The following KCNB2 variants were observed in gnomAD, a reference collection of about 807,000 sequenced individuals.
KCNB2 encodes potassium voltage-gated channel subfamily B member 2.
A neutral mutation model predicts 61.5 loss-of-function variants in KCNB2; 15 were observed. The observed-to-expected ratio is 0.24, with a 90% confidence interval of 0.16 to 0.38. The LOEUF (loss-of-function observed/expected upper bound fraction) is 0.38, where lower values mean the gene tolerates loss of function less well. Among genes scored for constraint, KCNB2 ranks in the 10% least tolerant of loss-of-function variants. The pLI, the probability that KCNB2 is intolerant of heterozygous loss-of-function variation, is 1.00. For missense variants in KCNB2, 828 were observed against 1,125.2 expected, an observed-to-expected ratio of 0.74 and a Z score of 3.78; for synonymous variants, 457 against 446.0, an observed-to-expected ratio of 1.02 and a Z score of -0.31.
At chr8:72,609,981 C>T (rs1032937678) in intron 2 of KCNB2, among the ~76,000 whole-genome samples, 6 of 152,084 alleles carry the variant, frequency 3.9e-5, no homozygotes, top group African/African-American at 1.4e-4. Flanking sequence ...TGTCTTCTTT[C>T]TTCTTATGTA....
chr8:72,580,813 C>T (rs1806879911), intron 2 of KCNB2, among the ~76,000 whole-genome samples: 2 of 152,162 alleles, frequency 1.3e-5, no homozygotes, highest in Admixed American at 1.3e-4. Flanking sequence ...AAGTCATGAA[C>T]TGGGCATTTT....
intron 2 of KCNB2, among the ~76,000 whole-genome samples, chr8:72,580,717 T>C (rs1176308254): frequency 2.0e-5 from 3 of 152,156 alleles, no homozygotes; most frequent in African/African-American, 7.2e-5. Context: ...CCTTTACTTA[T>C]CCTATTCCTT....
intron 2 of KCNB2, among the ~76,000 whole-genome samples, chr8:72,840,506 G>A (rs990546010): frequency 2.6e-5 from 4 of 152,124 alleles, no homozygotes; most frequent in Non-Finnish European, 4.4e-5. Context: ...ATGGTTGAAC[G>A]AATTTACTCT....
chr8:72,558,255 A>T (rs1472648701), intron 1 of KCNB2, among the ~76,000 whole-genome samples: 1 of 152,208 alleles, frequency 6.6e-6, no homozygotes, highest in Non-Finnish European at 1.5e-5. Flanking sequence ...GCATGCTTGT[A>T]GAATATCTGT....
At chr8:72,841,826 G>T (rs994344161) in intron 2 of KCNB2, among the ~76,000 whole-genome samples, 1 of 152,134 alleles carries the variant, frequency 6.6e-6, no homozygotes, top group African/African-American at 2.4e-5. Context: ...AAGGAGATTT[G>T]GGGCTGAGAC....
chr8:72,769,417 C>CA (rs371731956), intron 2 of KCNB2, among the ~76,000 whole-genome samples: 6 of 151,818 alleles, frequency 4.0e-5, no homozygotes, highest in Admixed American at 6.6e-5. Context: ...GATAAACAAA[C>CA]AAAAAAAATT....
chr8:72,652,186 T>C (rs567847147), intron 2 of KCNB2, among the ~76,000 whole-genome samples: 1 of 152,272 alleles, frequency 6.6e-6, no homozygotes, highest in East Asian at 1.9e-4. Flanking sequence ...TGCTAGAATA[T>C]TGGTATAATA....
At chr8:72,739,742 T>C (rs1264978905) in intron 2 of KCNB2, among the ~76,000 whole-genome samples, 1 of 152,130 alleles carries the variant, frequency 6.6e-6, no homozygotes, top group African/African-American at 2.4e-5. Flanking sequence ...TTGGACTTTG[T>C]CCTGTAGATC....
chr8:72,900,904 T>C (rs1806079179), intron 2 of KCNB2, among the ~76,000 whole-genome samples: 1 of 152,174 alleles, frequency 6.6e-6, no homozygotes, highest in Non-Finnish European at 1.5e-5. Context: ...AGGAATGTAA[T>C]TGGTTCAGTC....
chr8:72,667,227 C>G (rs1806491541), intron 2 of KCNB2, among the ~76,000 whole-genome samples: 1 of 152,058 alleles, frequency 6.6e-6, no homozygotes, highest in South Asian at 2.1e-4. Context: ...TAATAAGCTG[C>G]CTCTTTATTC....
chr8:72,593,284 A>G (rs1016052529), intron 2 of KCNB2, among the ~76,000 whole-genome samples: 1 of 152,224 alleles, frequency 6.6e-6, no homozygotes, highest in Non-Finnish European at 1.5e-5. Flanking sequence ...AAACTATAAA[A>G]GACTTATTCA....
intron 2 of KCNB2, among the ~76,000 whole-genome samples, chr8:72,859,925 G>A (rs1430173164): frequency 4.4e-5 from 6 of 137,016 alleles, no homozygotes; most frequent in South Asian, 2.7e-4. Context: ...CTCCATGTTC[G>A]TCAGCCTGGT....
chr8:72,906,323 G>A (rs1374382739), intron 2 of KCNB2, among the ~76,000 whole-genome samples: 1 of 152,132 alleles, frequency 6.6e-6, no homozygotes, highest in Non-Finnish European at 1.5e-5. Context: ...TTGCTTTTCA[G>A]TCCCCTATAG....
At chr8:72,882,210 G>A (rs1444671178) in intron 2 of KCNB2, among the ~76,000 whole-genome samples, 2 of 152,138 alleles carry the variant, frequency 1.3e-5, no homozygotes, top group Non-Finnish European at 2.9e-5. Context: ...GGTTTTTCGG[G>A]TGAAACAGTG....
chr8:72,607,439 G>T (rs918937885), intron 2 of KCNB2, among the ~76,000 whole-genome samples: 4 of 152,182 alleles, frequency 2.6e-5, no homozygotes, highest in African/African-American at 9.7e-5. Flanking sequence ...GTATTTACTG[G>T]AGACTGAGCT....
chr8:72,648,539 G>T (rs1173258025), intron 2 of KCNB2, among the ~76,000 whole-genome samples: 1 of 148,188 alleles, frequency 6.7e-6, no homozygotes, highest in Non-Finnish European at 1.5e-5. Context: ...CTCCCTAAGT[G>T]CTGGGATTAC....
chr8:72,773,266 G>A (rs1429152160), intron 2 of KCNB2, among the ~76,000 whole-genome samples: 2 of 152,172 alleles, frequency 1.3e-5, no homozygotes, highest in Non-Finnish European at 2.9e-5. Flanking sequence ...CACCCAGCCT[G>A]CTTTGTATTG....
intron 2 of KCNB2, among the ~76,000 whole-genome samples, chr8:72,737,548 A>G (rs1276406249): frequency 1.3e-5 from 2 of 152,208 alleles, no homozygotes; most frequent in Non-Finnish European, 2.9e-5. Context: ...GCCAGATTCA[A>G]TGTTTAGTTT....
intron 2 of KCNB2, among the ~76,000 whole-genome samples, chr8:72,773,483 T>C (rs959157051): frequency 1.3e-5 from 2 of 152,186 alleles, no homozygotes; most frequent in East Asian, 3.9e-4. Flanking sequence ...ATTCAATTAT[T>C]CCTTCATCCT....
Sources: gnomAD v4.1 joint callset for allele counts (sites outside exome capture counted in the v4.1 genomes callset) on GRCh38, gnomAD v4.1.1 for gene constraint, MANE v1.5 for transcripts, NCBI Gene and HGNC (gene_info 2026-07-23, HGNC 2026-07-21) for gene names.